FRMD4A: variants seen among roughly 807,000 people sequenced by gnomAD.
FRMD4A encodes FERM domain-containing protein 4A.
FRMD4A carries 29 observed loss-of-function variants against 129.1 expected under a neutral mutation model. That is an observed-to-expected ratio of 0.22 (90% confidence interval 0.17 to 0.31). The LOEUF is 0.31. FRMD4A is among the 10% of genes least tolerant of loss of function. FRMD4A has a pLI of 1.00. For synonymous variants in FRMD4A, 634 were observed against 571.6 expected, an observed-to-expected ratio of 1.11 and a Z score of -1.56; for missense variants, 1,272 against 1,375.8, an observed-to-expected ratio of 0.92 and a Z score of 1.19.
chr10:13,886,996 A>G (rs1351742059), intron 2 of FRMD4A, among the ~76,000 whole-genome samples: 1 of 152,220 alleles, frequency 6.6e-6, no homozygotes, highest in Non-Finnish European at 1.5e-5. Context: ...GGATGTACCA[A>G]TGCTCCTGAC....
intron 3 of FRMD4A, among the ~76,000 whole-genome samples, chr10:13,842,482 A>C (rs2093982060): frequency 6.6e-6 from 1 of 152,184 alleles, no homozygotes; most frequent in African/African-American, 2.4e-5. Flanking sequence ...AAATCTCACC[A>C]AAATCCTGCA....
chr10:13,719,919 A>G (rs2089258629), intron 12 of FRMD4A, among the ~76,000 whole-genome samples: 2 of 152,322 alleles, frequency 1.3e-5, no homozygotes, highest in East Asian at 1.9e-4. Context: ...GAGAGCCCAG[A>G]TGGGAGCAAT....
At chr10:14,018,884 A>C (rs570547875) in intron 2 of FRMD4A, among the ~76,000 whole-genome samples, 9 of 152,226 alleles carry the variant, frequency 5.9e-5, no homozygotes, top group African/African-American at 2.2e-4. Flanking sequence ...TTTGACCTGG[A>C]ACTTAGGAGA....
intron 24 of FRMD4A, among the ~76,000 whole-genome samples, chr10:13,650,397 C>G (rs952744785): frequency 2.0e-5 from 3 of 152,026 alleles, no homozygotes; most frequent in African/African-American, 7.3e-5. Context: ...CCTGCATGTG[C>G]ACATGTATGC....
chr10:13,797,201 T>A (rs1009723020), intron 4 of FRMD4A, among the ~76,000 whole-genome samples: 2 of 152,172 alleles, frequency 1.3e-5, no homozygotes, highest in African/African-American at 4.8e-5. Context: ...GAACTCTCCT[T>A]CTTGTCCTGA....
At chr10:14,165,132 A>G (rs982337948) in intron 2 of FRMD4A, among the ~76,000 whole-genome samples, 1 of 152,246 alleles carries the variant, frequency 6.6e-6, no homozygotes, top group African/African-American at 2.4e-5. Flanking sequence ...ACTAATATCC[A>G]GAATCCATAA....
At chr10:13,968,614 G>A (rs530111936) in intron 2 of FRMD4A, among the ~76,000 whole-genome samples, 22 of 152,194 alleles carry the variant, frequency 1.4e-4, no homozygotes, top group Admixed American at 2.6e-4. Flanking sequence ...CACCATGCCC[G>A]GCTAATTTTT....
At chr10:14,172,430 G>C (rs1464359393) in intron 2 of FRMD4A, among the ~76,000 whole-genome samples, 1 of 152,122 alleles carries the variant, frequency 6.6e-6, no homozygotes, top group Admixed American at 6.5e-5. Flanking sequence ...CCCGACTATA[G>C]CATGCCATTT....
rs7087544 is a variant in FRMD4A, at chr10:13,820,765, G to A, written c.112-9857C>T. On this transcript the variant is annotated intron_variant, in intron 3 of 24. Coordinates refer to ENST00000357447, the MANE Select transcript of FRMD4A (RefSeq NM_018027.5). ...ATGGCCGGATGGCACAGCCACAGCC[G>A]CCGCTCTGTGCCCAGCACTGCCTGC... 6.1e-3 allele frequency among the ~76,000 whole-genome samples: 923 copies of A among 152,302 alleles called. 11 individuals carry two copies. Among genetic ancestry groups the A allele is most frequent in the African/African-American group, 0.021 (890 of 41,574 alleles).
chr10:13,648,463 T>C (rs1302298140), intron 24 of FRMD4A, among the ~76,000 whole-genome samples: 2 of 151,974 alleles, frequency 1.3e-5, no homozygotes, highest in African/African-American at 4.8e-5. Context: ...CTGGTGGTGC[T>C]CTCCACCATG....
intron 2 of FRMD4A, among the ~76,000 whole-genome samples, chr10:14,000,767 T>C (rs1161662875): frequency 2.0e-5 from 3 of 151,360 alleles, no homozygotes; most frequent in Admixed American, 6.6e-5. Context: ...AGGGACTTTG[T>C]CCATGCACCA....
chr10:13,791,526 G>A (rs963301885), intron 5 of FRMD4A, among the ~76,000 whole-genome samples: 1 of 152,060 alleles, frequency 6.6e-6, no homozygotes, highest in African/African-American at 2.4e-5. Context: ...GGAAGTAGTT[G>A]GAAGGGTGCA....
At chr10:14,150,971 C>G (rs997619190) in intron 2 of FRMD4A, among the ~76,000 whole-genome samples, 1 of 152,142 alleles carries the variant, frequency 6.6e-6, no homozygotes, top group South Asian at 2.1e-4. Flanking sequence ...TATCTAATAA[C>G]CTAAGCATTG....
chr10:13,786,964 A>G (rs1003515494), intron 5 of FRMD4A, among the ~76,000 whole-genome samples: 25 of 152,324 alleles, frequency 1.6e-4, no homozygotes, highest in Admixed American at 1.4e-3. Flanking sequence ...CCTGAATAGT[A>G]TATTAAGAAA....
chr10:13,967,173 A>G (rs1481454955), intron 2 of FRMD4A, among the ~76,000 whole-genome samples: 1 of 152,192 alleles, frequency 6.6e-6, no homozygotes, highest in Non-Finnish European at 1.5e-5. Context: ...TGTCTCTACT[A>G]AAAATACAAA....
At chr10:14,205,347 G>A (rs985858171) in intron 2 of FRMD4A, among the ~76,000 whole-genome samples, 4 of 152,092 alleles carry the variant, frequency 2.6e-5, no homozygotes, top group African/African-American at 7.2e-5. Flanking sequence ...AAGTTCTCTC[G>A]GCCATGGGAG....
intron 2 of FRMD4A, among the ~76,000 whole-genome samples, chr10:14,173,442 A>G (rs1022050682): frequency 2.6e-5 from 4 of 152,168 alleles, no homozygotes; most frequent in Non-Finnish European, 5.9e-5. Context: ...ATGTCAGGCT[A>G]GAGCAGTGCT....
intron 2 of FRMD4A, among the ~76,000 whole-genome samples, chr10:13,908,178 A>AC (rs1565016191): frequency 6.7e-6 from 1 of 149,472 alleles, no homozygotes; most frequent in African/African-American, 2.5e-5. Context: ...AAAAAAAAAA[A>AC]AAAAAAAAAA....
intron 2 of FRMD4A, among the ~76,000 whole-genome samples, chr10:14,198,608 C>G (rs923923271): frequency 7.9e-5 from 12 of 152,186 alleles, no homozygotes; most frequent in Admixed American, 3.3e-4. Context: ...TCTTTTCTGA[C>G]TTTGCCCTCA....
Sources: gnomAD v4.1 joint callset for allele counts (sites outside exome capture counted in the v4.1 genomes callset) on GRCh38, gnomAD v4.1.1 for gene constraint, MANE v1.5 for transcripts, NCBI Gene and HGNC (gene_info 2026-07-23, HGNC 2026-07-21) for gene names.